Variants in BCAT1 observed in about 807,000 individuals in gnomAD.
The protein encoded by BCAT1 is branched-chain-amino-acid aminotransferase, cytosolic.
Under a neutral mutation model 52.4 loss-of-function variants are expected in BCAT1, and 48 were observed. The observed-to-expected ratio is 0.92, with a 90% confidence interval of 0.73 to 1.16. The LOEUF (loss-of-function observed/expected upper bound fraction) is 1.16. BCAT1 is among the 50% of genes most tolerant of loss of function. The probability of loss-of-function intolerance (pLI) is 0.00; values close to 1 mark genes in which losing one functional copy is unlikely to be tolerated. For missense variants in BCAT1, 451 were observed against 457.1 expected (o/e 0.99, Z 0.12); for synonymous variants, 167 against 161.3 (o/e 1.04, Z -0.27).
At chr12:24,900,561 C>G (rs754064706) in intron 2 of BCAT1, among the ~76,000 whole-genome samples, 8 of 152,130 alleles carry the variant, frequency 5.3e-5, no homozygotes, top group Non-Finnish European at 8.8e-5. Context: ...GCACTTCAGT[C>G]TGGGCAACAG....
intron 3 of BCAT1, among the ~76,000 whole-genome samples, chr12:24,884,202 T>C (rs1437543946): frequency 6.6e-6 from 1 of 152,192 alleles, no homozygotes; most frequent in African/African-American, 2.4e-5. Context: ...TACAATGACA[T>C]GGGGAACCCG....
intron 1 of BCAT1, among the ~76,000 whole-genome samples, chr12:24,935,772 C>T (rs1310480186): frequency 6.6e-6 from 1 of 152,174 alleles, no homozygotes; most frequent in Non-Finnish European, 1.5e-5. Flanking sequence ...CAAACAAATT[C>T]TGCTTCCCAT....
chr12:24,876,855 T>A (rs1219756142), intron 5 of BCAT1, among the ~76,000 whole-genome samples: 1 of 152,112 alleles, frequency 6.6e-6, no homozygotes, highest in Non-Finnish European at 1.5e-5. Context: ...GATGCTGGGC[T>A]TAATACCTAG....
chr12:24,868,331 GA>G (rs761895216), intron 5 of BCAT1, among the ~76,000 whole-genome samples: 18 of 148,798 alleles, frequency 1.2e-4, no homozygotes, highest in Non-Finnish European at 2.2e-4. Flanking sequence ...TAGGAAAATG[GA>G]AAAAAAAATA....
rs1402349219 is a variant in BCAT1, at chr12:24,842,058, C to T, written c.817+24G>A. ...CTGTTGAAAATGACTGAGAAATGCA[C>T]ACAGTGAAATCTGAGTGGATTACCT... On this transcript the variant is annotated intron_variant, in intron 7 of 10. Transcript: ENST00000261192. The T allele has an allele frequency of 1.9e-6, 3 of 1,609,944 alleles. No homozygotes were observed. The African/African-American group carries it at 4.0e-5, about 22-fold the overall frequency.
rs200381468 is a variant in BCAT1 at position 24,836,540 on chromosome 12, G to A, written c.874C>T (p.Arg292Trp). 41 of 1,613,080 alleles carry A rather than the reference G, an allele frequency of 2.5e-5. No individual in the cohort carries two copies. The highest frequency in any genetic ancestry group is 1.2e-4 in the Admixed American group (7 of 59,926). ...TGATGTGCCAGGTCCAGAATGCACC[G>A]CCTTGTCACTCCTGGAAGAATGATG... is the stretch of plus-strand genomic sequence containing the variant. Reference protein sequence around the residue: ...DGIILPGVTRRCILDLAHQWG... With the variant: ...DGIILPGVTRWCILDLAHQWG... The change falls in exon 8 of 11, where the codon CGG becomes TGG. Residue 292 changes from arginine to tryptophan, a missense_variant. Physicochemically the swap from Arg to Trp is moderately radical, Grantham distance 101 (BLOSUM62 -3). Coordinates refer to ENST00000261192, the MANE Select transcript of BCAT1 (RefSeq NM_005504.7).
intron 5 of BCAT1, among the ~76,000 whole-genome samples, chr12:24,857,234 A>T (rs1941715666): frequency 6.6e-6 from 1 of 152,136 alleles, no homozygotes; most frequent in African/African-American, 2.4e-5. Flanking sequence ...CCCTGTCTTG[A>T]ATCTTCCTTT....
intron 5 of BCAT1, among the ~76,000 whole-genome samples, chr12:24,859,702 C>G (rs1427210727): frequency 6.6e-6 from 1 of 151,308 alleles, no homozygotes; most frequent in Admixed American, 6.6e-5. Flanking sequence ...TTTACAGTGA[C>G]CTGGGATTCG....
At chr12:24,858,032 A>G (rs960320410) in intron 5 of BCAT1, among the ~76,000 whole-genome samples, 1 of 152,194 alleles carries the variant, frequency 6.6e-6, no homozygotes, top group Non-Finnish European at 1.5e-5. Context: ...TCCAGAATCC[A>G]ATATAAAAAT....
At chr12:24,852,486 C>A (rs1764323867) in intron 5 of BCAT1, among the ~76,000 whole-genome samples, 1 of 152,104 alleles carries the variant, frequency 6.6e-6, no homozygotes, top group Non-Finnish European at 1.5e-5. Flanking sequence ...GTATTTTATG[C>A]AAACTACATT....
intron 6 of BCAT1, among the ~76,000 whole-genome samples, chr12:24,844,305 C>T (rs10842414): frequency 0.099 from 14,992 of 152,114 alleles, 933 homozygotes; most frequent in Non-Finnish European, 0.13. Context: ...GTGGCCCATG[C>T]CTGTAATCCC....
At chr12:24,875,307 T>C (rs998832688) in intron 5 of BCAT1, among the ~76,000 whole-genome samples, 2 of 152,266 alleles carry the variant, frequency 1.3e-5, no homozygotes, top group South Asian at 2.1e-4. Context: ...ATGTTATTTG[T>C]ATCATGTTCC....
At chr12:24,881,604 A>C (rs776586871) in intron 3 of BCAT1, among the ~76,000 whole-genome samples, 193 bp from the exon 4 acceptor site, 7 of 152,198 alleles carry the variant, frequency 4.6e-5, no homozygotes, top group Non-Finnish European at 1.0e-4. Context: ...GAGGTGGAGG[A>C]AAGTTATTTT....
At chr12:24,836,441 C>G (rs536483388) in intron 8 of BCAT1, 70 bp downstream of exon 8, 2 of 1,321,486 alleles carry the variant, frequency 1.5e-6, no homozygotes, top group Admixed American at 4.0e-5. Flanking sequence ...TATTTCAACA[C>G]TAGGCTGGGC....
chr12:24,943,776 A>G (rs994540466), intron 1 of BCAT1, among the ~76,000 whole-genome samples: 83 of 152,178 alleles, frequency 5.5e-4, no homozygotes, highest in South Asian at 1.5e-3. Flanking sequence ...CGAGGTCAGG[A>G]GATCAAGACC....
intron 5 of BCAT1, among the ~76,000 whole-genome samples, chr12:24,862,722 T>C (rs1941880974): frequency 6.6e-6 from 1 of 152,054 alleles, no homozygotes; most frequent in African/African-American, 2.4e-5. Context: ...CCCCTCTCTC[T>C]CCTTTCCAAA....
Position 24,814,028 on chromosome 12 carries a change from AAAGCTGGTACCCTT to A in BCAT1, c.*3966_*3979del, listed in dbSNP as rs1939784464. 1 of 152,148 alleles carries A rather than the reference AAAGCTGGTACCCTT, an allele frequency of 6.6e-6. No individual in the cohort carries two copies. The highest frequency in any genetic ancestry group is 2.4e-5 in the African/African-American group (1 of 41,454). 9.4% of individuals were successfully genotyped at this position (152,148 alleles called of 1,614,324 possible). A position where few individuals can be genotyped will look rare whatever the true frequency, so the allele number is the denominator to read the frequency against. On this transcript the variant is annotated 3_prime_UTR_variant, in exon 11 of 11. Coordinates refer to ENST00000261192, the MANE Select transcript of BCAT1 (RefSeq NM_005504.7). Reference sequence around the variant, plus strand: ...CCAAGTAATAGGTAATGCTCATTGAAAAGCTGGTACCCTTTGCCTCCTTTTGTGGGGAGATATCT... The same window carrying A: ...CCAAGTAATAGGTAATGCTCATTGAATGCCTCCTTTTGTGGGGAGATATCT...
chr12:24,907,843 C>T (rs1435579992), intron 1 of BCAT1, among the ~76,000 whole-genome samples: 6 of 152,322 alleles, frequency 3.9e-5, no homozygotes, highest in African/African-American at 1.4e-4. Context: ...CCTTTGCTGA[C>T]TCTCTTTTCA....
At chr12:24,853,093 T>C (rs1941562723) in intron 5 of BCAT1, among the ~76,000 whole-genome samples, 1 of 152,228 alleles carries the variant, frequency 6.6e-6, no homozygotes, top group African/African-American at 2.4e-5. Context: ...AATTCTGTGC[T>C]ACTGTTAAGA....
Sources: gnomAD v4.1 joint callset for allele counts (sites outside exome capture counted in the v4.1 genomes callset) on GRCh38, gnomAD v4.1.1 for gene constraint, MANE v1.5 for transcripts, NCBI Gene and HGNC (gene_info 2026-07-23, HGNC 2026-07-21) for gene names.